Variants in BBS4 observed in about 807,000 individuals in gnomAD.
BBS4 encodes the protein Bardet-Biedl syndrome 4, also known as BBSome complex member BBS4.
In BBS4, 58 loss-of-function variants were observed where a neutral mutation model predicts 71.4. The observed-to-expected ratio is 0.81, with a 90% CI of 0.66 to 1.01. The LOEUF (loss-of-function observed/expected upper bound fraction) is 1.01, where lower values mean the gene tolerates loss of function less well. Among genes scored for constraint, BBS4 ranks in the 50% least tolerant of loss-of-function variants. The pLI, the probability that BBS4 is intolerant of heterozygous loss-of-function variation, is 0.00. For synonymous variants in BBS4, 228 were observed against 216.8 expected, an observed-to-expected ratio of 1.05 and a Z score of -0.46; for missense variants, 660 against 607.9, an observed-to-expected ratio of 1.09 and a Z score of -0.90.
intron 2 of BBS4, chr15:72,698,178 C>T (rs1287849843): frequency 3.2e-6 from 1 of 310,622 alleles, no homozygotes; most frequent in South Asian, 2.9e-5. Flanking sequence ...ATGTAAAAAA[C>T]CTGATCTCAG....
intron 1 of BBS4, chr15:72,686,822 A>G: frequency 2.9e-6 from 1 of 340,882 alleles, no homozygotes; most frequent in Non-Finnish European, 5.8e-6. Context: ...GCATATATCT[A>G]TAATTGGATC....
chr15:72,708,739 G>A (rs1035423389), intron 2 of BBS4, among the ~76,000 whole-genome samples: 1 of 152,082 alleles, frequency 6.6e-6, no homozygotes, highest in African/African-American at 2.4e-5. Context: ...TAATACTCTG[G>A]AGAAGGAATG....
At chr15:72,689,899 C>G (rs2150990000) in intron 1 of BBS4, among the ~76,000 whole-genome samples, 1 of 152,200 alleles carries the variant, frequency 6.6e-6, no homozygotes, top group African/African-American at 2.4e-5. Context: ...CAACCTCCGC[C>G]TCCCGGGTTC....
chr15:72,707,794 G>A (rs2065291481), intron 2 of BBS4, among the ~76,000 whole-genome samples: 1 of 152,096 alleles, frequency 6.6e-6, no homozygotes, highest in East Asian at 1.9e-4. Context: ...ATTTCAGTGG[G>A]CAGGTAACTC....
chr15:72,686,256 G>C lies in BBS4; in HGVS notation c.24+5G>C. On this transcript the variant is annotated splice_donor_5th_base_variant and intron_variant, in intron 1 of 15. Transcript: ENST00000268057. ...GCTGAGGAGAGAGTCGCGACGGTGA[G>C]CGCCGAGATTCTCTTTAGTTGCCCG... The C allele has an allele frequency of 6.4e-7, 1 of 1,565,264 alleles. No homozygotes were observed. The highest frequency in any genetic ancestry group is 8.7e-7 in the Non-Finnish European group (1 of 1,155,680).
rs551265059 is a variant in BBS4, at chr15:72,735,944, G to C, written c.1226G>C (p.Ser409Thr). The C allele has an allele frequency of 3.7e-6, 6 of 1,614,028 alleles. No individual in the cohort carries two copies. In the South Asian group the frequency reaches 6.6e-5, roughly 18 times the overall value. The change falls in exon 14 of 16, where the codon AGC becomes ACC. Residue 409 changes from serine to threonine, a missense_variant. By Grantham distance (58) the Ser-to-Thr change is moderately conservative (BLOSUM62 1). Transcript: ENST00000268057. ...AAAGTCAGCCTACTCAAGGACAATA[G>C]CTCTCTGGAATTTGACTCTGAGGTA... ...EKKVSLLKDN[S>T]SLEFDSEMVE... is the part of the protein sequence containing the mutation.
Position 72,710,262 on chromosome 15 carries a change from A to G in BBS4, c.156+483A>G, listed in dbSNP as rs1355880225. 3.3e-5 allele frequency among the ~76,000 whole-genome samples: 4 copies of G among 123,020 alleles called. No homozygotes were observed. The East Asian group carries it at 9.5e-4, about 29-fold the overall frequency. The allele number at this position is 123,020 out of a possible 152,430, so 80.7% of individuals were successfully genotyped here. A position where few individuals can be genotyped will look rare whatever the true frequency, so the allele number is the denominator to read the frequency against. Reference sequence around the variant, plus strand: ...GTCACCTAGGCTGGAGTGCAGTGGCATGATCTTGGCTCATTGCAGCCTTTG... The same window carrying G: ...GTCACCTAGGCTGGAGTGCAGTGGCGTGATCTTGGCTCATTGCAGCCTTTG... On this transcript the variant is annotated intron_variant, in intron 3 of 15. Transcript: ENST00000268057.
chr15:72,691,622 T>C (rs568067728), intron 1 of BBS4, among the ~76,000 whole-genome samples: 2 of 152,342 alleles, frequency 1.3e-5, no homozygotes, highest in East Asian at 3.9e-4. Flanking sequence ...AATTAACTTA[T>C]CCATTCCACT....
At chr15:72,687,275 C>T (rs1015595587) in intron 1 of BBS4, among the ~76,000 whole-genome samples, 1 of 151,506 alleles carries the variant, frequency 6.6e-6, no homozygotes, top group Non-Finnish European at 1.5e-5. Context: ...CCTGCCACCA[C>T]GCCCGGCCGA....
intron 6 of BBS4, among the ~76,000 whole-genome samples, chr15:72,717,751 T>C (rs1810284359): frequency 6.6e-6 from 1 of 152,198 alleles, no homozygotes. Context: ...ACTAGCAGCA[T>C]CTGCCACACT....
chr15:72,710,544 T>A (rs1455591584), intron 3 of BBS4, among the ~76,000 whole-genome samples: 1 of 152,054 alleles, frequency 6.6e-6, no homozygotes, highest in African/African-American at 2.4e-5. Flanking sequence ...AGGTTGATCA[T>A]CATGTGTATA....
chr15:72,692,502 G>A (rs949147082), intron 1 of BBS4, among the ~76,000 whole-genome samples: 1 of 151,450 alleles, frequency 6.6e-6, no homozygotes, highest in South Asian at 2.1e-4. Flanking sequence ...CTGTAGAGGC[G>A]GGGTTTCGTC....
At chr15:72,709,048 T>C (rs2065317598) in intron 2 of BBS4, among the ~76,000 whole-genome samples, 1 of 152,230 alleles carries the variant, frequency 6.6e-6, no homozygotes, top group Non-Finnish European at 1.5e-5. Flanking sequence ...TTTGCCCTTG[T>C]CCTGTTTCCT....
chr15:72,701,948 C>T (rs893864613), intron 2 of BBS4, among the ~76,000 whole-genome samples: 2 of 152,118 alleles, frequency 1.3e-5, no homozygotes, highest in African/African-American at 4.8e-5. Context: ...AGCAATTCTC[C>T]TGCCTCAGCC....
intron 6 of BBS4, among the ~76,000 whole-genome samples, chr15:72,718,197 T>C (rs2065501889): frequency 6.6e-6 from 1 of 152,224 alleles, no homozygotes; most frequent in Admixed American, 6.5e-5. Flanking sequence ...AGTCTTATCT[T>C]CCATATCATC....
chr15:72,725,678 C>T (rs1032070229), intron 8 of BBS4, among the ~76,000 whole-genome samples: 2 of 145,700 alleles, frequency 1.4e-5, no homozygotes, highest in Non-Finnish European at 3.0e-5. Flanking sequence ...CCCCATTTTC[C>T]CTTCCCCTTC....
intron 1 of BBS4, among the ~76,000 whole-genome samples, chr15:72,693,405 A>C (rs2065020842): frequency 2.6e-5 from 4 of 152,168 alleles, no homozygotes; most frequent in Admixed American, 2.0e-4. Context: ...TGTTGTTGAA[A>C]ATTAGTTTTG....
chr15:72,714,349 C>A (rs928622573), intron 4 of BBS4, among the ~76,000 whole-genome samples: 3 of 151,952 alleles, frequency 2.0e-5, no homozygotes, highest in Non-Finnish European at 4.4e-5. Context: ...CCTCAGCCCC[C>A]CTATTAGCTG....
At chr15:72,729,161 CTTTTTTT>C (rs71137313) in intron 9 of BBS4, among the ~76,000 whole-genome samples, 1 of 70,032 alleles carries the variant, frequency 1.4e-5, no homozygotes, top group Non-Finnish European at 2.4e-5. Flanking sequence ...ACTGTAGCTG[CTTTTTTT>C]TTTTTTTTTT....
Sources: allele counts gnomAD v4.1 joint callset (sites outside exome capture counted in the v4.1 genomes callset), GRCh38; gene constraint gnomAD v4.1.1; transcripts MANE v1.5; gene names NCBI Gene and HGNC (gene_info 2026-07-23, HGNC 2026-07-21).